Variants in ZAN observed in about 807,000 individuals in gnomAD.
ZAN encodes zonadhesin (gene/pseudogene).
In ZAN, 260 loss-of-function variants were observed where a neutral mutation model predicts 286.2. The ratio of observed to expected loss-of-function variants is 0.91; its 90% CI spans 0.82 to 1.01. ZAN has a LOEUF of 1.01. ZAN is among the 50% of genes least tolerant of loss of function. The pLI, the probability that ZAN is intolerant of heterozygous loss-of-function variation, is 0.00. For missense variants in ZAN, 3,410 were observed against 3,639.2 expected (o/e 0.94, Z 1.62); for synonymous variants, 1,368 against 1,417.5 (o/e 0.97, Z 0.79).
rs201450023 is a variant in ZAN at position 100,793,845 on chromosome 7, A to G, written c.7813A>G (p.Ile2605Val). 3.7e-6 allele frequency: 6 copies of G among 1,608,656 alleles called. No individual in the cohort carries two copies. Among genetic ancestry groups the G allele is most frequent in the Admixed American group, 1.7e-5 (1 of 59,702 alleles). ...SGHGVSSRYH[I>V]SELYDTLPSI... ...CCATGGAGTGTCCAGCAGGTACCAT[A>G]TATCAGAGCTGTATGACACCCTGCC... The change falls in exon 43 of 48, where the codon ATA becomes GTA. Residue 2605 changes from isoleucine to valine, a missense_variant. Around this residue, in one of 7 missense-constraint regions of ZAN, gnomAD observed 1,289 missense variants for 1,314.3 expected, o/e 0.98. Transcript: ENST00000613979.
intron 7 of ZAN, among the ~76,000 whole-genome samples, chr7:100,744,232 C>G (rs977216604): frequency 6.6e-6 from 1 of 150,802 alleles, no homozygotes; most frequent in Non-Finnish European, 1.5e-5. Context: ...TTTCCTCTCT[C>G]CACTCCATCA....
chr7:100,786,088 G>A lies in ZAN; in HGVS notation c.6926G>A (p.Gly2309Glu), dbSNP rs1209865552. 1 of 1,614,014 alleles carries A rather than the reference G, an allele frequency of 6.2e-7. No homozygotes were observed. The highest frequency in any genetic ancestry group is 1.7e-5 in the Admixed American group (1 of 60,012). The change falls in exon 37 of 48, where the codon GGG becomes GAG. Residue 2309 changes from glycine (G) to glutamate (E), a missense_variant. Physicochemically the swap from Gly to Glu is moderately conservative, Grantham distance 98. Transcript: ENST00000613979. ...IQCGDFRCPS[G>E]SHCQLTSDNS... is the part of the protein sequence containing the mutation. ...TGCGGGGACTTCCGATGCCCCTCTG[G>A]GTCCCACTGCCAGCTCACTTCCGAC...
Position 100,773,742 on chromosome 7 carries a change from G to C in ZAN, c.5656G>C (p.Glu1886Gln). ...ACAGGTCGGGGAGCGCTGGTACACA[G>C]AGAACACCTGCACCAGGCTCTGCAC... ...YHPVGERWYT[E>Q]NTCTRLCTCS... The change falls in exon 31 of 48, where the codon GAG becomes CAG. Residue 1886 changes from glutamate to glutamine, a missense_variant. Glu to Gln is a conservative substitution (Grantham distance 29). This residue lies in a region of ZAN where 1,289 missense variants were observed against 1,314.3 expected (regional missense o/e 0.98). Transcript: ENST00000613979. 6.2e-7 allele frequency: 1 copy of C among 1,610,978 alleles called. No individual in the cohort carries two copies. The highest frequency in any genetic ancestry group is 8.5e-7 in the Non-Finnish European group (1 of 1,178,564).
chr7:100,758,463 C>A, intron 16 of ZAN, 68 bp from the exon 17 acceptor site: 1 of 1,551,926 alleles, frequency 6.4e-7, no homozygotes. Flanking sequence ...AGCGGGTGGG[C>A]CAGCATGTGC....
chr7:100,772,874 G>GTTTTTTTTTTTTTTTTTTTT, intron 29 of ZAN, among the ~76,000 whole-genome samples: 1 of 122,014 alleles, frequency 8.2e-6, no homozygotes, highest in Non-Finnish European at 1.7e-5. Context: ...TTTTTTGTTT[G>GTTTTTTTTTTTTTTTTTTTT]TTTTTTTTTT....
chr7:100,782,356 CAG>C lies in ZAN; in HGVS notation c.6623-2264_6623-2263del, dbSNP rs369758122. Among the ~76,000 whole-genome samples, 1,034 of 152,186 alleles carry C rather than the reference CAG, an allele frequency of 6.8e-3. 18 individuals carry two copies. Among genetic ancestry groups the C allele is most frequent in the African/African-American group, 0.023 (974 of 41,552 alleles). On this transcript the variant is annotated intron_variant, in intron 35 of 47. Coordinates refer to ENST00000613979, the MANE Select transcript of ZAN (RefSeq NM_003386.3). ...CTCTAGAAATTTTGTTTGTTTGAGA[CAG>C]AGTCTCACTCTGTGGCCCAGGCTGC...
intron 44 of ZAN, 62 bp from the exon 45 acceptor site, chr7:100,795,134 C>T: frequency 6.5e-7 from 1 of 1,542,742 alleles, no homozygotes; most frequent in South Asian, 1.2e-5. Context: ...CCAGCCAGGC[C>T]TTCCCTCAGC....
At chr7:100,785,957 C>T (rs762399729) in intron 36 of ZAN, 40 bp from the exon 37 acceptor site, 16 of 1,587,726 alleles carry the variant, frequency 1.0e-5, no homozygotes, top group Non-Finnish European at 1.3e-5. Flanking sequence ...CCGCGCCCAG[C>T]CCCCTCCTCA....
Position 100,751,871 on chromosome 7 carries a change from A to C in ZAN, c.1766A>C (p.Glu589Ala), listed in dbSNP as rs1307510348. Residue 589 changes from glutamate to alanine, a missense_variant, in exon 14 of 48, where the codon GAA becomes GCA. Coordinates refer to ENST00000613979, the MANE Select transcript of ZAN (RefSeq NM_003386.3). ...ACAGAAAAGCCCACAGTCCCCAAAG[A>C]AAAGCCCACCATTCCCACAGAAAAA... ...VTTEKPTVPK[E>A]KPTIPTEKPT... 1 of 1,613,472 alleles carries C rather than the reference A, an allele frequency of 6.2e-7. No homozygotes were observed. Among genetic ancestry groups the C allele is most frequent in the Non-Finnish European group, 8.5e-7 (1 of 1,179,846 alleles).
Position 100,760,521 on chromosome 7 carries a change from A to G in ZAN, c.3827A>G (p.Tyr1276Cys). 3 of 1,613,932 alleles carry G rather than the reference A, an allele frequency of 1.9e-6. No individual in the cohort carries two copies. Among genetic ancestry groups the G allele is most frequent in the Non-Finnish European group, 2.5e-6 (3 of 1,179,882 alleles). The stretch of plus-strand genomic sequence containing the variant: ...AGATGGGATGGTGACCAGCAGCTGT[A>G]TGTTACTGTGTCCAGGTAAGGCAGT... Reference protein sequence around the residue: ...RVRWDGDQQLYVTVSSTYSGK... With the variant: ...RVRWDGDQQLCVTVSSTYSGK... The change falls in exon 19 of 48, where the codon TAT becomes TGT. Residue 1276 changes from tyrosine to cysteine, a missense_variant. By Grantham distance (194) the Tyr-to-Cys change is radical. Around this residue, in one of 7 missense-constraint regions of ZAN, gnomAD observed 1,042 missense variants for 1,058.0 expected, o/e 0.98. Coordinates refer to ENST00000613979, the MANE Select transcript of ZAN (RefSeq NM_003386.3).
rs775470515 is a variant in ZAN at position 100,794,212 on chromosome 7, G to C, written c.8079G>C (p.Ala2693=). 2 of 1,613,616 alleles carry C rather than the reference G, an allele frequency of 1.2e-6. No homozygotes were observed. The highest frequency in any genetic ancestry group is 2.2e-5 in the South Asian group (2 of 91,026). The change falls in exon 44 of 48, where the codon GCG becomes GCC. Residue 2693 remains alanine (A), a synonymous_variant. Transcript: ENST00000613979. ...ILLCEPFSCR[A]GEVCTLGNHT... ...TGTGTGAGCCCTTCAGCTGCAGAGC[G>C]GGGGAGGTCTGCACCCTGGGGAACC...
chr7:100,747,271 C>G (rs902612305), intron 8 of ZAN, among the ~76,000 whole-genome samples: 21 of 151,820 alleles, frequency 1.4e-4, no homozygotes, highest in African/African-American at 4.6e-4. Context: ...CCTGTAATCT[C>G]AGCTACTCAA....
intron 35 of ZAN, among the ~76,000 whole-genome samples, chr7:100,780,358 A>T (rs190482272): frequency 6.6e-6 from 1 of 152,220 alleles, no homozygotes; most frequent in Admixed American, 6.6e-5. Flanking sequence ...TAAAAAATTT[A>T]AAATACTTTT....
rs1327452157 is a variant in ZAN at position 100,751,815 on chromosome 7, TAC to T, written c.1712_1713del (p.Thr571SerfsTer95). 1 of 1,613,492 alleles carries T rather than the reference TAC, an allele frequency of 6.2e-7. No individual in the cohort carries two copies. The highest frequency in any genetic ancestry group is 8.5e-7 in the Non-Finnish European group (1 of 1,179,794). ...ACCCTACAATCTCCACCAAGAAACC[TAC>T]AGTTTCCATAGAAAAACCCAGTGTC... The part of the protein sequence containing the change: ...ENPTISTKKP[T>X]VSIEKPSVTT... On this transcript the variant is annotated frameshift_variant, in exon 14 of 48. Coordinates refer to ENST00000613979, the MANE Select transcript of ZAN (RefSeq NM_003386.3). LOFTEE classifies it high-confidence loss of function.
chr7:100,747,064 C>G (rs1241406900), intron 8 of ZAN, among the ~76,000 whole-genome samples: 1 of 148,422 alleles, frequency 6.7e-6, no homozygotes, highest in Non-Finnish European at 1.5e-5. Context: ...GGCCTGGTGA[C>G]AGAGCAAGAC....
At chr7:100,776,979 G>C (rs1363448061) in intron 34 of ZAN, among the ~76,000 whole-genome samples, 1 of 148,644 alleles carries the variant, frequency 6.7e-6, no homozygotes, top group African/African-American at 2.5e-5. Context: ...TGATCCACCC[G>C]CCTCGGCCTC....
At chr7:100,771,212 T>G (rs1810345555) in intron 28 of ZAN, among the ~76,000 whole-genome samples, 1 of 152,136 alleles carries the variant, frequency 6.6e-6, no homozygotes. Context: ...AGTGCTGAGG[T>G]TATAGGCGGG....
chr7:100,791,876 C>T, intron 40 of ZAN, 90 bp from the exon 41 acceptor site: 1 of 1,439,548 alleles, frequency 6.9e-7, no homozygotes, highest in Non-Finnish European at 9.3e-7. Flanking sequence ...TCCAGGCAGC[C>T]ACCACCATGC....
intron 17 of ZAN, 75 bp from the exon 18 acceptor site, chr7:100,759,630 TCTCTCCCTGCGGCGCC>T: frequency 2.1e-6 from 3 of 1,424,770 alleles, no homozygotes; most frequent in African/African-American, 1.5e-5. Context: ...GTGGCGCTCA[TCTCTCCCTGCGGCGCC>T]AGGCTCAGGG....
Sources: allele counts gnomAD v4.1 joint callset (sites outside exome capture counted in the v4.1 genomes callset), GRCh38; gene constraint gnomAD v4.1.1; regional missense constraint gnomAD v4.1.1; transcripts MANE v1.5; gene names NCBI Gene and HGNC (gene_info 2026-07-23, HGNC 2026-07-21).